The following NTM variants were observed in gnomAD, a reference collection of about 807,000 sequenced individuals.
NTM encodes the protein neurotrimin.
Under a neutral mutation model 42.1 loss-of-function variants are expected in NTM, and 13 were observed. The observed-to-expected ratio is 0.31, with a 90% CI of 0.20 to 0.49. The LOEUF (loss-of-function observed/expected upper bound fraction) is 0.49, where lower values mean the gene tolerates loss of function less well. NTM is among the 20% of genes least tolerant of loss of function. The pLI, the probability that NTM is intolerant of heterozygous loss-of-function variation, is 0.99. For missense variants in NTM, 373 were observed against 452.8 expected (o/e 0.82, Z 1.60); for synonymous variants, 187 against 179.2 (o/e 1.04, Z -0.35).
intron 2 of NTM, among the ~76,000 whole-genome samples, chr11:132,081,072 T>C (rs540376005): frequency 1.3e-5 from 2 of 152,324 alleles, no homozygotes; most frequent in South Asian, 4.1e-4. Flanking sequence ...GCTAAGGGAT[T>C]TGGCACAGGC....
In NTM at chr11:132,003,445, T is replaced by C. The variant is rs892855655; in HGVS notation, c.167+91797T>C. 1.1e-4 allele frequency among the ~76,000 whole-genome samples: 16 copies of C among 151,994 alleles called. No homozygotes were observed. The highest frequency in any genetic ancestry group is 3.9e-4 in the Admixed American group (6 of 15,244). ...ATTTTATGTAGAGACAGACTGTCCTTATATTTCCCAGGCTGCTCTTGAGTT... is the reference window on the plus strand; with the variant it reads ...ATTTTATGTAGAGACAGACTGTCCTCATATTTCCCAGGCTGCTCTTGAGTT... On this transcript the variant is annotated intron_variant, in intron 2 of 8. Coordinates refer to ENST00000683400, the MANE Select transcript of NTM (RefSeq NM_001352005.2). The surrounding 1 kb of genome is among the most constrained non-coding windows in gnomAD (Gnocchi z 6.0).
Position 131,786,814 on chromosome 11 carries a change from G to A in NTM, c.83-124750G>A, listed in dbSNP as rs143059633. 6.6e-5 allele frequency among the ~76,000 whole-genome samples: 10 copies of A among 152,286 alleles called. No individual in the cohort carries two copies. In the East Asian group the frequency reaches 1.9e-3, roughly 29 times the overall value. On this transcript the variant is annotated intron_variant, in intron 1 of 8. Coordinates refer to ENST00000683400, the MANE Select transcript of NTM (RefSeq NM_001352005.2). ...AGGGTTTAGAAGCACGTCTGAAGAG[G>A]CATTCTTAGACTAGGCTCTGTTGGC...
chr11:132,173,870 A>G (rs1363095024), intron 3 of NTM, among the ~76,000 whole-genome samples: 1 of 152,212 alleles, frequency 6.6e-6, no homozygotes, highest in Non-Finnish European at 1.5e-5. Flanking sequence ...CCTAAATGGA[A>G]TTAACTTTCT....
chr11:131,766,534 G>A (rs927329943), intron 1 of NTM, among the ~76,000 whole-genome samples: 1 of 151,966 alleles, frequency 6.6e-6, no homozygotes, highest in Non-Finnish European at 1.5e-5. Flanking sequence ...GAACTCTGGG[G>A]CTCATTCATA....
intron 1 of NTM, among the ~76,000 whole-genome samples, chr11:131,733,463 TTTCCTTCCTTCCTTCCTTCC>T (rs555056062): frequency 2.1e-3 from 235 of 112,658 alleles, no homozygotes; most frequent in African/African-American, 6.6e-3. Context: ...TCCTTCCTTC[TTTCCTTCCTTCCTTCCTTCC>T]TTCCTTCCTT....
chr11:131,894,314 A>C (rs372139758), intron 1 of NTM, among the ~76,000 whole-genome samples: 1 of 152,222 alleles, frequency 6.6e-6, no homozygotes, highest in Non-Finnish European at 1.5e-5. Context: ...TCACCCATAC[A>C]TGGGTCATCC....
intron 1 of NTM, among the ~76,000 whole-genome samples, chr11:131,850,280 T>A (rs747914248): frequency 5.9e-5 from 9 of 152,098 alleles, no homozygotes; most frequent in Non-Finnish European, 1.0e-4. Flanking sequence ...ATTCATTAGG[T>A]TAAATTTGCA....
At chr11:131,748,588 C>T (rs1277548109) in intron 1 of NTM, among the ~76,000 whole-genome samples, 2 of 152,196 alleles carry the variant, frequency 1.3e-5, no homozygotes, top group Non-Finnish European at 2.9e-5. Context: ...CTGCCTCTTA[C>T]TCCATGAAGT....
intron 1 of NTM, among the ~76,000 whole-genome samples, chr11:131,831,486 G>T (rs1465549251): frequency 6.6e-6 from 1 of 152,104 alleles, no homozygotes; most frequent in Admixed American, 6.6e-5. Flanking sequence ...CCAGAACCAG[G>T]CTGGGTCACA....
intron 3 of NTM, among the ~76,000 whole-genome samples, chr11:132,202,997 A>C (rs1444008950): frequency 6.6e-6 from 1 of 152,228 alleles, no homozygotes; most frequent in Non-Finnish European, 1.5e-5. Context: ...TATGCCATTA[A>C]GGAGCTTTCT....
At chr11:131,589,565 C>T (rs2059183877) in intron 1 of NTM, among the ~76,000 whole-genome samples, 1 of 152,174 alleles carries the variant, frequency 6.6e-6, no homozygotes, top group Non-Finnish European at 1.5e-5. Context: ...GTTTTTCTCC[C>T]CTCTGGCTTA....
chr11:131,454,051 G>C (rs560499441), intron 1 of NTM, among the ~76,000 whole-genome samples: 6 of 152,280 alleles, frequency 3.9e-5, no homozygotes, highest in African/African-American at 1.4e-4. Context: ...ATCAGATAGA[G>C]CTCAGCTCAC....
At chr11:132,122,478 G>A (rs969219705) in intron 2 of NTM, among the ~76,000 whole-genome samples, 1 of 152,188 alleles carries the variant, frequency 6.6e-6, no homozygotes, top group Non-Finnish European at 1.5e-5. Flanking sequence ...CTGGGGCTGC[G>A]CCTACTGTCA....
intron 2 of NTM, among the ~76,000 whole-genome samples, chr11:132,109,489 A>C (rs2062871427): frequency 6.6e-6 from 1 of 152,170 alleles, no homozygotes; most frequent in East Asian, 1.9e-4. Flanking sequence ...TGATAAATAA[A>C]TTTCTGTTGT....
At chr11:131,551,666 C>T (rs2136915781) in intron 1 of NTM, among the ~76,000 whole-genome samples, 1 of 152,306 alleles carries the variant, frequency 6.6e-6, no homozygotes. Context: ...GGAGACTGCC[C>T]TGTTGATAAA....
chr11:131,440,655 A>G (rs1406271042), intron 1 of NTM, among the ~76,000 whole-genome samples: 1 of 151,720 alleles, frequency 6.6e-6, no homozygotes, highest in South Asian at 2.1e-4. Context: ...TGGGAACTAC[A>G]TTTTTGAAAA....
intron 2 of NTM, among the ~76,000 whole-genome samples, chr11:132,132,893 G>A (rs946011940): frequency 3.3e-5 from 5 of 152,114 alleles, no homozygotes; most frequent in East Asian, 1.9e-4. Context: ...AATGCATGGC[G>A]GCTTCCAGAT....
At chr11:132,315,278 G>A (rs184857379) in intron 7 of NTM, among the ~76,000 whole-genome samples, 6 of 152,312 alleles carry the variant, frequency 3.9e-5, no homozygotes, top group Admixed American at 6.5e-5. Flanking sequence ...TCTGGCTACT[G>A]TATTGATATC....
chr11:131,655,059 C>T (rs761835917), intron 1 of NTM, among the ~76,000 whole-genome samples: 2 of 152,168 alleles, frequency 1.3e-5, no homozygotes, highest in Admixed American at 6.5e-5. Context: ...CGCCGGTCCT[C>T]GGGCACGCTG....
Sources: allele counts gnomAD v4.1 joint callset (sites outside exome capture counted in the v4.1 genomes callset), GRCh38; gene constraint gnomAD v4.1.1; non-coding constraint Gnocchi (gnomAD v3.1); transcripts MANE v1.5; gene names NCBI Gene and HGNC (gene_info 2026-07-23, HGNC 2026-07-21).